AGBL4: variants seen among roughly 807,000 people sequenced by gnomAD.
AGBL4 encodes cytosolic carboxypeptidase 6.
A neutral mutation model predicts 66.4 loss-of-function variants in AGBL4; 58 were observed. The ratio of observed to expected loss-of-function variants is 0.87; its 90% confidence interval spans 0.71 to 1.09. AGBL4 has a LOEUF of 1.09. Among genes scored for constraint, AGBL4 ranks in the 50% least tolerant of loss-of-function variants. The pLI, the probability that AGBL4 is intolerant of heterozygous loss-of-function variation, is 0.00. For synonymous variants in AGBL4, 234 were observed against 222.9 expected, an observed-to-expected ratio of 1.05 and a Z score of -0.44; for missense variants, 579 against 631.0, an observed-to-expected ratio of 0.92 and a Z score of 0.88.
chr1:49,788,682 A>G (rs1557447586), intron 2 of AGBL4, among the ~76,000 whole-genome samples: 2 of 152,204 alleles, frequency 1.3e-5, no homozygotes, highest in African/African-American at 4.8e-5. Context: ...CATCAGAATA[A>G]AAAGAAACTA....
At position 49,881,001 on chromosome 1, in the gene AGBL4, C is replaced by A. The variant is rs1647239793; in HGVS notation, c.35-29483G>T. On this transcript the variant is annotated intron_variant, in intron 1 of 13. Transcript: ENST00000371839. ...CTTGTGCTTCCCAGGTGAGGCAATG[C>A]CTTGCCCTGCTTAGGCTCGCGCACA... is the stretch of plus-strand genomic sequence containing the variant. Among the ~76,000 whole-genome samples the A allele has an allele frequency of 3.3e-5, 5 of 152,254 alleles. No homozygotes were observed. In the South Asian group the frequency reaches 1.0e-3, roughly 32 times the overall value.
chr1:49,610,734 G>C (rs1645139738), intron 3 of AGBL4, among the ~76,000 whole-genome samples: 1 of 152,110 alleles, frequency 6.6e-6, no homozygotes, highest in African/African-American at 2.4e-5. Flanking sequence ...GGAACCTTGA[G>C]CTTGGATTTC....
intron 3 of AGBL4, among the ~76,000 whole-genome samples, chr1:49,566,243 G>A (rs866385176): frequency 8.6e-5 from 13 of 151,808 alleles, no homozygotes; most frequent in South Asian, 2.1e-4. Context: ...CCATTGGTTC[G>A]AATTTCCTCC....
chr1:49,862,255 T>G (rs544992329), intron 1 of AGBL4, among the ~76,000 whole-genome samples: 2 of 151,798 alleles, frequency 1.3e-5, no homozygotes, highest in African/African-American at 4.8e-5. Flanking sequence ...ATTGGCATAC[T>G]GAAGAATGCA....
At chr1:49,749,998 A>G (rs1651321820) in intron 2 of AGBL4, among the ~76,000 whole-genome samples, 1 of 152,196 alleles carries the variant, frequency 6.6e-6, no homozygotes, top group Non-Finnish European at 1.5e-5. Flanking sequence ...GAGTACAGAA[A>G]TGGACCCACA....
chr1:49,820,064 C>G (rs1232349893), intron 2 of AGBL4, among the ~76,000 whole-genome samples: 1 of 152,066 alleles, frequency 6.6e-6, no homozygotes, highest in Admixed American at 6.6e-5. Flanking sequence ...TGTGAGACTT[C>G]CCACATTCAA....
At chr1:49,355,965 CA>C (rs1175561361) in intron 3 of AGBL4, among the ~76,000 whole-genome samples, 2 of 152,168 alleles carry the variant, frequency 1.3e-5, no homozygotes, top group African/African-American at 4.8e-5. Flanking sequence ...ACTCCCTCCT[CA>C]AAAAGCCAAT....
chr1:48,802,310 G>A (rs1645827973), intron 6 of AGBL4, among the ~76,000 whole-genome samples: 1 of 152,070 alleles, frequency 6.6e-6, no homozygotes, highest in South Asian at 2.1e-4. Context: ...ATCTCTCCCA[G>A]GGAGCCTTCC....
chr1:49,886,691 C>A (rs575984236), intron 1 of AGBL4, among the ~76,000 whole-genome samples: 1 of 152,244 alleles, frequency 6.6e-6, no homozygotes, highest in African/African-American at 2.4e-5. Flanking sequence ...CATGCAGAAG[C>A]AGAGACCATT....
chr1:49,047,774 T>A (rs1644115970), intron 4 of AGBL4, among the ~76,000 whole-genome samples: 1 of 152,034 alleles, frequency 6.6e-6, no homozygotes, highest in Admixed American at 6.6e-5. Flanking sequence ...TCTAGTTTGG[T>A]TAAAACAAGG....
chr1:49,704,430 A>G (rs1159202448), intron 2 of AGBL4, among the ~76,000 whole-genome samples: 1 of 152,090 alleles, frequency 6.6e-6, no homozygotes, highest in Non-Finnish European at 1.5e-5. Context: ...CCCTTACTGA[A>G]AATCTTATAC....
intron 4 of AGBL4, among the ~76,000 whole-genome samples, chr1:49,133,164 C>T (rs914645609): frequency 1.3e-5 from 2 of 152,170 alleles, no homozygotes; most frequent in Non-Finnish European, 2.9e-5. Flanking sequence ...TGCATGTTCT[C>T]ACTCATAAGT....
chr1:49,176,879 G>A (rs1321715402), intron 4 of AGBL4, among the ~76,000 whole-genome samples: 1 of 152,014 alleles, frequency 6.6e-6, no homozygotes, highest in Non-Finnish European at 1.5e-5. Context: ...TTATGGAAAA[G>A]TTCGAAATGG....
intron 5 of AGBL4, among the ~76,000 whole-genome samples, chr1:49,002,329 C>A (rs1402453774): frequency 6.6e-6 from 1 of 152,124 alleles, no homozygotes. Flanking sequence ...TTTTCTGTGC[C>A]CCTTTCTGTA....
intron 6 of AGBL4, among the ~76,000 whole-genome samples, chr1:48,672,286 T>C (rs915403783): frequency 6.6e-6 from 1 of 152,234 alleles, no homozygotes; most frequent in African/African-American, 2.4e-5. Context: ...AGAGTGGGAA[T>C]GAATCCTTCT....
At chr1:49,312,843 C>T (rs995285643) in intron 3 of AGBL4, among the ~76,000 whole-genome samples, 7 of 151,978 alleles carry the variant, frequency 4.6e-5, no homozygotes, top group Non-Finnish European at 5.9e-5. Flanking sequence ...AGTGAAGATG[C>T]GGAGCAATAG....
intron 13 of AGBL4, among the ~76,000 whole-genome samples, chr1:48,534,610 G>T (rs1643939595): frequency 2.0e-5 from 3 of 152,118 alleles, no homozygotes; most frequent in African/African-American, 7.2e-5. Flanking sequence ...TTGAAGATGT[G>T]GCTTTTGTAA....
At chr1:49,699,873 T>A (rs1323861406) in intron 2 of AGBL4, among the ~76,000 whole-genome samples, 2 of 151,992 alleles carry the variant, frequency 1.3e-5, no homozygotes, top group East Asian at 3.9e-4. Flanking sequence ...GAAATGTGCT[T>A]AGAAAGTAGA....
chr1:49,669,183 C>T (rs1005114929), intron 3 of AGBL4, among the ~76,000 whole-genome samples: 2 of 151,904 alleles, frequency 1.3e-5, no homozygotes, highest in Admixed American at 6.6e-5. Context: ...ACAGAAGGAA[C>T]TATATGAGCA....
Sources: gnomAD v4.1 joint callset for allele counts (sites outside exome capture counted in the v4.1 genomes callset) on GRCh38, gnomAD v4.1.1 for gene constraint, MANE v1.5 for transcripts, NCBI Gene and HGNC (gene_info 2026-07-23, HGNC 2026-07-21) for gene names.